The following BCLAF3 variants were observed in gnomAD, a reference collection of about 807,000 sequenced individuals.
BCLAF3 encodes BCLAF1 and THRAP3 family member 3, also known as transient octamer binding factor 1.
A neutral mutation model predicts 51.2 loss-of-function variants in BCLAF3; 24 were observed. That is an observed-to-expected ratio of 0.47 (90% CI 0.34 to 0.66). The LOEUF (loss-of-function observed/expected upper bound fraction) is 0.66, where lower values mean the gene tolerates loss of function less well. Ranked by LOEUF, BCLAF3 falls within the 30% of genes least tolerant of loss-of-function variation. The pLI, the probability that BCLAF3 is intolerant of heterozygous loss-of-function variation, is 0.01. For missense variants in BCLAF3, 465 were observed against 525.1 expected, an observed-to-expected ratio of 0.89 and a Z score of 1.12; for synonymous variants, 152 against 176.6, an observed-to-expected ratio of 0.86 and a Z score of 1.10.
Position 19,953,008 on chromosome X carries a change from C to G in BCLAF3, c.1609G>C (p.Val537Leu). 8.3e-7 allele frequency: 1 copy of G among 1,208,393 alleles called. No homozygotes were observed. Among genetic ancestry groups the G allele is most frequent in the Non-Finnish European group, 1.1e-6 (1 of 893,202 alleles). Residue 537 changes from valine (V) to leucine (L), a missense_variant, in exon 7 of 12, where the codon GTG (valine) becomes CTG (leucine). By Grantham distance (32) the Val-to-Leu change is conservative. Coordinates refer to ENST00000379682, the MANE Select transcript of BCLAF3 (RefSeq NM_001367774.2). Reference sequence around the variant, plus strand: ...CTAACCTGTTCCGATTCATAGATCACAGCTTGTTTACTCTGAAGCTCGGCC... The same window carrying G: ...CTAACCTGTTCCGATTCATAGATCAGAGCTTGTTTACTCTGAAGCTCGGCC... ...SLAELQSKQA[V>L]IYESEQTLIK...
chrX:19,936,155 C>T (rs1205236394), intron 9 of BCLAF3, among the ~76,000 whole-genome samples: 1 of 111,481 alleles, frequency 9.0e-6, no homozygotes, highest in Non-Finnish European at 1.9e-5. Flanking sequence ...AAAACATACT[C>T]GTGTATAACA....
At chrX:19,919,856 C>CAAAAA (rs763184612) in intron 11 of BCLAF3, among the ~76,000 whole-genome samples, 2 of 33,635 alleles carry the variant, frequency 5.9e-5, no homozygotes, top group African/African-American at 1.1e-4. Context: ...GACTTCGTCT[C>CAAAAA]AAAAAAAAAA....
rs997365296 is a variant in BCLAF3 at position 19,915,960 on chromosome X, T to C, written c.*1345A>G. 1.8e-5 allele frequency: 2 copies of C among 111,863 alleles called. No homozygotes were observed. Among genetic ancestry groups the C allele is most frequent in the African/African-American group, 6.5e-5 (2 of 30,769 alleles). 9.2% of individuals were successfully genotyped at this position (111,863 alleles called of 1,213,427 possible). ...ACAAGACAGGCCATCTACCCAAATT[T>C]ATTACCTGCTTAGCAATGAATCAAG... On this transcript the variant is annotated 3_prime_UTR_variant, in exon 12 of 12. Transcript: ENST00000379682.
chrX:19,963,041 C>T (rs1340439660), intron 4 of BCLAF3, among the ~76,000 whole-genome samples: 7 of 108,111 alleles, frequency 6.5e-5, no homozygotes, highest in African/African-American at 1.0e-4. Context: ...GCCATAATCG[C>T]GCCACTGCAC....
At position 19,958,094 on chromosome X, in the gene BCLAF3, C is replaced by A. The variant is rs766505723; in HGVS notation, c.1275-2528G>T. Reference sequence around the variant, plus strand: ...AAAATTAAAATACAGCCAAAAACCTCTATTCTAATACTATTTCTGGTATCA... The same window carrying A: ...AAAATTAAAATACAGCCAAAAACCTATATTCTAATACTATTTCTGGTATCA... On this transcript the variant is annotated intron_variant, in intron 4 of 11. Coordinates refer to ENST00000379682, the MANE Select transcript of BCLAF3 (RefSeq NM_001367774.2). Among the ~76,000 whole-genome samples the A allele has an allele frequency of 9.8e-5, 11 of 111,951 alleles. No homozygotes were observed. The South Asian group carries it at 4.0e-3, about 41-fold the overall frequency.
chrX:19,977,153 A>G (rs2072451660), intron 1 of BCLAF3, among the ~76,000 whole-genome samples: 1 of 111,241 alleles, frequency 9.0e-6, no homozygotes, highest in South Asian at 3.8e-4. Flanking sequence ...CTGAGACACA[A>G]TAATATTGAA....
chrX:19,940,861 G>T (rs1478725357), intron 8 of BCLAF3, among the ~76,000 whole-genome samples: 1 of 111,400 alleles, frequency 9.0e-6, no homozygotes, highest in African/African-American at 3.3e-5. Context: ...CTTCCACTAT[G>T]GTTGAACTAG....
At position 19,915,425 on chromosome X, in the gene BCLAF3, C is replaced by T. The variant is rs2069914500; in HGVS notation, c.*1880G>A. On this transcript the variant is annotated 3_prime_UTR_variant, in exon 12 of 12. Coordinates refer to ENST00000379682, the MANE Select transcript of BCLAF3 (RefSeq NM_001367774.2). ...TTCCTTTTAGGCTTTAGATCTTATACACACAATGTTTTCTGCACAGGTATT... is the reference window on the plus strand; with the variant it reads ...TTCCTTTTAGGCTTTAGATCTTATATACACAATGTTTTCTGCACAGGTATT... The T allele has an allele frequency of 8.9e-6, 1 of 112,048 alleles. No individual in the cohort carries two copies. Among genetic ancestry groups the T allele is most frequent in the African/African-American group, 3.2e-5 (1 of 30,847 alleles). 9.2% of individuals were successfully genotyped at this position (112,048 alleles called of 1,213,427 possible). A position where few individuals can be genotyped will look rare whatever the true frequency, so the allele number is the denominator to read the frequency against.
intron 11 of BCLAF3, among the ~76,000 whole-genome samples, chrX:19,926,000 T>A (rs2070342392): frequency 9.0e-6 from 1 of 111,684 alleles, no homozygotes; most frequent in African/African-American, 3.3e-5. Flanking sequence ...GTTGATGCTG[T>A]ACTTGTAGAG....
At chrX:19,976,031 C>T (rs2072414071) in intron 1 of BCLAF3, among the ~76,000 whole-genome samples, 2 of 111,470 alleles carry the variant, frequency 1.8e-5, no homozygotes, top group Non-Finnish European at 3.8e-5. Context: ...CTTTAAATAT[C>T]CTCTATAAAC....
At chrX:19,972,403 C>G (rs1021991949) in intron 1 of BCLAF3, among the ~76,000 whole-genome samples, 3 of 110,705 alleles carry the variant, frequency 2.7e-5, no homozygotes, top group African/African-American at 9.8e-5. Flanking sequence ...TTTTTGGGGG[C>G]GGGTGGGAAC....
At chrX:19,969,273 A>C (rs2072177387) in intron 2 of BCLAF3, among the ~76,000 whole-genome samples, 1 of 112,734 alleles carries the variant, frequency 8.9e-6, no homozygotes, top group African/African-American at 3.2e-5. Context: ...ATGATTGATT[A>C]GTTACTGCAT....
At chrX:19,922,286 G>A (rs1569498995) in intron 11 of BCLAF3, among the ~76,000 whole-genome samples, 1 of 111,139 alleles carries the variant, frequency 9.0e-6, no homozygotes, top group Non-Finnish European at 1.9e-5. Flanking sequence ...AGAGAACTGA[G>A]TGGCATTCCT....
intron 1 of BCLAF3, among the ~76,000 whole-genome samples, chrX:19,979,299 A>C (rs770655754): frequency 9.0e-6 from 1 of 110,736 alleles, no homozygotes; most frequent in Non-Finnish European, 1.9e-5. Context: ...CCAACCTTCA[A>C]CAACCAACCC....
chrX:19,923,735 T>C (rs2070257012), intron 11 of BCLAF3, among the ~76,000 whole-genome samples: 1 of 111,794 alleles, frequency 8.9e-6, no homozygotes, highest in Non-Finnish European at 1.9e-5. Flanking sequence ...ATAAACTGAA[T>C]CATACAATAT....
chrX:19,945,978 G>A (rs757122071), intron 8 of BCLAF3, among the ~76,000 whole-genome samples: 1 of 109,534 alleles, frequency 9.1e-6, no homozygotes, highest in African/African-American at 3.4e-5. Context: ...GTCTCGTGAT[G>A]CGCCGTTTTT....
intron 1 of BCLAF3, among the ~76,000 whole-genome samples, chrX:19,977,491 A>G (rs897096166): frequency 2.4e-4 from 27 of 112,518 alleles, no homozygotes; most frequent in Admixed American, 2.3e-3. Flanking sequence ...CCAAAGCCCA[A>G]TCCAGAGCAA....
chrX:19,945,181 T>G (rs1315895937), intron 8 of BCLAF3, among the ~76,000 whole-genome samples: 19 of 110,102 alleles, frequency 1.7e-4, no homozygotes, highest in African/African-American at 6.0e-4. Context: ...TCTTCTAATT[T>G]TTTTTCAAAG....
rs1229128539 is a variant in BCLAF3, at chrX:19,968,973, C to A, written c.41+1251G>T. On this transcript the variant is annotated intron_variant, in intron 2 of 11. Coordinates refer to ENST00000379682, the MANE Select transcript of BCLAF3 (RefSeq NM_001367774.2). Reference sequence around the variant, plus strand: ...CTAAAAATACAAAAAATTAGCCGGGCGTGGTGGCGGGCACCTGTAGTCCCA... The same window carrying A: ...CTAAAAATACAAAAAATTAGCCGGGAGTGGTGGCGGGCACCTGTAGTCCCA... 3.6e-5 allele frequency among the ~76,000 whole-genome samples: 4 copies of A among 111,233 alleles called. No homozygotes were observed. The East Asian group carries it at 1.1e-3, about 32-fold the overall frequency.
Sources: gnomAD v4.1 joint callset for allele counts (sites outside exome capture counted in the v4.1 genomes callset) on GRCh38, gnomAD v4.1.1 for gene constraint, MANE v1.5 for transcripts, NCBI Gene and HGNC (gene_info 2026-07-23, HGNC 2026-07-21) for gene names.